Variants in PHF20 observed in about 807,000 individuals in gnomAD.
PHF20 encodes PHD finger protein 20.
PHF20 carries 23 observed loss-of-function variants against 113.5 expected under a neutral mutation model. The ratio of observed to expected loss-of-function variants is 0.20; its 90% CI spans 0.15 to 0.29. PHF20 has a LOEUF of 0.29. Among genes scored for constraint, PHF20 ranks in the 10% least tolerant of loss-of-function variants. The pLI, the probability that PHF20 is intolerant of heterozygous loss-of-function variation, is 1.00. For missense variants in PHF20, 943 were observed against 1,219.6 expected (o/e 0.77, Z 3.38); for synonymous variants, 434 against 457.3 (o/e 0.95, Z 0.65).
At chr20:35,801,262 G>A (rs2041775621) in intron 1 of PHF20, among the ~76,000 whole-genome samples, 1 of 152,120 alleles carries the variant, frequency 6.6e-6, no homozygotes, top group African/African-American at 2.4e-5. Context: ...GTAGGTGAGT[G>A]GTAAGCAGTG....
At chr20:35,941,591 A>G (rs2055980738) in intron 17 of PHF20, among the ~76,000 whole-genome samples, 2 of 152,170 alleles carry the variant, frequency 1.3e-5, no homozygotes, top group African/African-American at 2.4e-5. Context: ...GATGATGAAC[A>G]TGATCAAGTT....
chr20:35,901,934 T>G (rs1283524674), intron 10 of PHF20, among the ~76,000 whole-genome samples: 1 of 135,208 alleles, frequency 7.4e-6, no homozygotes, highest in Non-Finnish European at 1.6e-5. Context: ...GTGATTAGTT[T>G]GTGAGCTAAT....
intron 1 of PHF20, among the ~76,000 whole-genome samples, chr20:35,789,237 A>G (rs1020170323): frequency 7.0e-4 from 106 of 152,040 alleles, no homozygotes; most frequent in African/African-American, 2.4e-3. Context: ...CCTGGCCAAC[A>G]TGGTGAAACT....
rs1022661947 is a variant in PHF20, at chr20:35,834,253, T to G, written c.84-8320T>G. ...GGTTCATTCTACAGCTATGGTTTTT[T>G]TTTTTTTTTTTTTTTTGAGACGGAG... On this transcript the variant is annotated intron_variant, in intron 2 of 17. Transcript: ENST00000374012. Among the ~76,000 whole-genome samples, 51 of 146,574 alleles carry G rather than the reference T, an allele frequency of 3.5e-4. 1 individual carries two copies. In the East Asian group the frequency reaches 9.9e-3, roughly 28 times the overall value.
At chr20:35,899,994 T>C (rs2055064798) in intron 10 of PHF20, among the ~76,000 whole-genome samples, 1 of 152,158 alleles carries the variant, frequency 6.6e-6, no homozygotes, top group African/African-American at 2.4e-5. Context: ...CTCCCAAACC[T>C]GTGCGTTTTC....
At chr20:35,803,696 G>GTGTGTC (rs1166879438) in intron 2 of PHF20, among the ~76,000 whole-genome samples, 1 of 148,330 alleles carries the variant, frequency 6.7e-6, no homozygotes. Flanking sequence ...GTGTGTGTGT[G>GTGTGTC]TGTGTGTGTA....
chr20:35,933,431 C>G (rs921425960), intron 15 of PHF20, among the ~76,000 whole-genome samples: 2 of 151,498 alleles, frequency 1.3e-5, no homozygotes. Context: ...GAGTCTCGCT[C>G]TGTCACCCAG....
chr20:35,846,776 C>T (rs2042632579), intron 3 of PHF20, among the ~76,000 whole-genome samples: 3 of 152,180 alleles, frequency 2.0e-5, no homozygotes, highest in African/African-American at 2.4e-5. Flanking sequence ...TGTTTTGACT[C>T]CTGTCTTAGT....
intron 9 of PHF20, among the ~76,000 whole-genome samples, chr20:35,880,682 G>A (rs911967766): frequency 5.3e-5 from 8 of 151,998 alleles, no homozygotes; most frequent in Non-Finnish European, 1.0e-4. Context: ...TTTTCTAGAT[G>A]GGATGCGGTG....
chr20:35,947,447 G>C (rs539391992), intron 17 of PHF20, 38 bp from the exon 18 acceptor site: 1 of 1,600,866 alleles, frequency 6.2e-7, no homozygotes, highest in Admixed American at 1.7e-5. Context: ...TCAAGTGTTG[G>C]GAGTTCACTA....
intron 15 of PHF20, among the ~76,000 whole-genome samples, chr20:35,931,686 C>T (rs146759961): frequency 0.026 from 3,893 of 151,984 alleles, 75 homozygotes; most frequent in Non-Finnish European, 0.041. Flanking sequence ...GGCATGGTGG[C>T]TCATGCCTGT....
chr20:35,844,401 C>T (rs919983199), intron 3 of PHF20, among the ~76,000 whole-genome samples: 5 of 146,786 alleles, frequency 3.4e-5, no homozygotes, highest in Admixed American at 6.8e-5. Flanking sequence ...CGCGCCCAGC[C>T]GGTTTTTTTT....
Position 35,947,808 on chromosome 20 carries a change from C to T in PHF20, c.*181C>T. 1.7e-6 allele frequency: 1 copy of T among 593,320 alleles called. No homozygotes were observed. Among genetic ancestry groups the T allele is most frequent in the African/African-American group, 1.9e-5 (1 of 54,038 alleles). 36.8% of individuals were successfully genotyped at this position (593,320 alleles called of 1,614,324 possible). A position where few individuals can be genotyped will look rare whatever the true frequency, so the allele number is the denominator to read the frequency against. On this transcript the variant is annotated 3_prime_UTR_variant, in exon 18 of 18. Transcript: ENST00000374012. ...GCCATTTTGGCTGCGGGAGGACACT[C>T]TGATCTCGAAGCCTGCCATAAAGGT...
chr20:35,816,015 G>A (rs1320752262), intron 2 of PHF20, among the ~76,000 whole-genome samples: 1 of 151,808 alleles, frequency 6.6e-6, no homozygotes, highest in Non-Finnish European at 1.5e-5. Flanking sequence ...AGACTGCAGG[G>A]GCTGGATCTC....
chr20:35,816,667 T>A (rs1448850262), intron 2 of PHF20, among the ~76,000 whole-genome samples: 1 of 152,070 alleles, frequency 6.6e-6, no homozygotes, highest in Non-Finnish European at 1.5e-5. Flanking sequence ...TTGGCCAGAC[T>A]GGTCTTGAAC....
rs1161582192 is a variant in PHF20, at chr20:35,863,092, A to T, written c.500A>T (p.Lys167Ile). Reference protein sequence around the residue: ...SSSPDKREKFKEQRKATVNVK... With the variant: ...SSSPDKREKFIEQRKATVNVK... ...TCTCCTGATAAACGAGAGAAGTTTA[A>T]AGAACAGAGAAAAGCAACAGTGAAT... The change falls in exon 6 of 18, where the codon AAA becomes ATA. Residue 167 changes from lysine (K) to isoleucine (I), a missense_variant. This residue lies in a region of PHF20 where 592 missense variants were observed against 787.2 expected (regional missense o/e 0.75). Transcript: ENST00000374012. 2 of 1,612,016 alleles carry T rather than the reference A, an allele frequency of 1.2e-6. No homozygotes were observed. Among genetic ancestry groups the T allele is most frequent in the African/African-American group, 2.7e-5 (2 of 74,736 alleles).
At chr20:35,874,776 C>A (rs2054488189) in intron 9 of PHF20, among the ~76,000 whole-genome samples, 1 of 149,616 alleles carries the variant, frequency 6.7e-6, no homozygotes, top group African/African-American at 2.5e-5. Context: ...TTTTTCTTGG[C>A]CAGATGCTAT....
intron 10 of PHF20, among the ~76,000 whole-genome samples, chr20:35,912,657 C>T (rs1416336878): frequency 6.6e-6 from 1 of 152,050 alleles, no homozygotes; most frequent in East Asian, 1.9e-4. Flanking sequence ...AATAGTGAAA[C>T]CCCATCTCTA....
At chr20:35,905,404 T>C (rs2055184824) in intron 10 of PHF20, among the ~76,000 whole-genome samples, 1 of 152,164 alleles carries the variant, frequency 6.6e-6, no homozygotes, top group Non-Finnish European at 1.5e-5. Context: ...CTCAGTGTGA[T>C]GGTATTTGGC....
Sources: allele counts gnomAD v4.1 joint callset (sites outside exome capture counted in the v4.1 genomes callset), GRCh38; gene constraint gnomAD v4.1.1; regional missense constraint gnomAD v4.1.1; transcripts MANE v1.5; gene names NCBI Gene and HGNC (gene_info 2026-07-23, HGNC 2026-07-21).